The following FMN2 variants were observed in gnomAD, a reference collection of about 807,000 sequenced individuals.
FMN2 encodes formin 2, also known as formin-2.
FMN2 carries 51 observed loss-of-function variants against 142.3 expected under a neutral mutation model. The ratio of observed to expected loss-of-function variants is 0.36; its 90% confidence interval spans 0.29 to 0.45. The LOEUF (loss-of-function observed/expected upper bound fraction) is 0.45, where lower values mean the gene tolerates loss of function less well. Ranked by LOEUF, FMN2 falls within the 20% of genes least tolerant of loss-of-function variation. The pLI, the probability that FMN2 is intolerant of heterozygous loss-of-function variation, is 1.00. For missense variants in FMN2, 1,936 were observed against 2,122.8 expected, an observed-to-expected ratio of 0.91 and a Z score of 1.73; for synonymous variants, 882 against 869.8, an observed-to-expected ratio of 1.01 and a Z score of -0.25.
At chr1:240,469,291 C>A (rs1324857822) in intron 16 of FMN2, among the ~76,000 whole-genome samples, 1 of 152,108 alleles carries the variant, frequency 6.6e-6, no homozygotes, top group African/African-American at 2.4e-5. Context: ...GCCTAGAGAG[C>A]TGCATTTTAA....
At chr1:240,094,777 CTTATG>C (rs1661141921) in intron 1 of FMN2, among the ~76,000 whole-genome samples, 1 of 152,116 alleles carries the variant, frequency 6.6e-6, no homozygotes, top group African/African-American at 2.4e-5. Context: ...ATTTTAAAAT[CTTATG>C]TTCTATTATT....
chr1:240,321,670 G>T (rs1430156348), intron 8 of FMN2, among the ~76,000 whole-genome samples: 1 of 152,148 alleles, frequency 6.6e-6, no homozygotes, highest in South Asian at 2.1e-4. Context: ...CTACCTATCT[G>T]TATGAAGCTA....
chr1:240,185,495 G>A (rs999657805), intron 3 of FMN2, among the ~76,000 whole-genome samples: 2 of 152,334 alleles, frequency 1.3e-5, no homozygotes, highest in African/African-American at 2.4e-5. Flanking sequence ...AGTTCAGGTA[G>A]CCATTGAATT....
At chr1:240,140,453 T>A (rs1663132353) in intron 2 of FMN2, among the ~76,000 whole-genome samples, 1 of 152,202 alleles carries the variant, frequency 6.6e-6, no homozygotes, top group South Asian at 2.1e-4. Context: ...TTTGCATTTC[T>A]GGCTATCTCT....
chr1:240,245,360 G>T, intron 6 of FMN2: 1 of 391,438 alleles, frequency 2.6e-6, no homozygotes, highest in Non-Finnish European at 5.1e-6. Flanking sequence ...TACTCTCTGG[G>T]AGGAAGTGAT....
intron 15 of FMN2, among the ~76,000 whole-genome samples, chr1:240,397,216 G>A (rs1393079935): frequency 1.3e-5 from 2 of 152,170 alleles, no homozygotes; most frequent in Non-Finnish European, 2.9e-5. Flanking sequence ...GCGATGTTGA[G>A]CATTTTTCCA....
intron 7 of FMN2, among the ~76,000 whole-genome samples, chr1:240,277,207 A>G (rs540291472): frequency 6.6e-6 from 1 of 152,338 alleles, no homozygotes; most frequent in African/African-American, 2.4e-5. Flanking sequence ...GGATAATAAC[A>G]TTGAATATTT....
Position 240,170,153 on chromosome 1 carries a change from G to A in FMN2, c.1783-7768G>A, listed in dbSNP as rs558416420. The A allele has an allele frequency of 1.0e-4, 85 of 822,588 alleles. 1 individual carries two copies. Among genetic ancestry groups the A allele is most frequent in the Admixed American group, 1.8e-4 (8 of 45,104 alleles). The allele number at this position is 822,588 out of a possible 1,614,324, so 51.0% of individuals were successfully genotyped here. ...TAATATACAGTCCATCCCTGGCGCC[G>A]ACCAGAACCCGTGGACATGGTGAAC... On this transcript the variant is annotated intron_variant, in intron 2 of 17. Transcript: ENST00000319653.
intron 2 of FMN2, among the ~76,000 whole-genome samples, chr1:240,128,535 C>CA (rs1662602929): frequency 1.3e-5 from 2 of 152,080 alleles, no homozygotes; most frequent in Admixed American, 1.3e-4. Flanking sequence ...TTTTTGGTTG[C>CA]TGGACTTGTT....
At chr1:240,376,435 T>A (rs1025606359) in intron 14 of FMN2, among the ~76,000 whole-genome samples, 1 of 152,010 alleles carries the variant, frequency 6.6e-6, no homozygotes, top group Non-Finnish European at 1.5e-5. Flanking sequence ...TTAATTAGTA[T>A]TTTTTAATAT....
intron 2 of FMN2, among the ~76,000 whole-genome samples, chr1:240,126,007 A>T (rs1662484094): frequency 6.6e-6 from 1 of 152,192 alleles, no homozygotes; most frequent in Admixed American, 6.5e-5. Context: ...CAAAGTGAAC[A>T]TAAAACAAAG....
intron 8 of FMN2, among the ~76,000 whole-genome samples, chr1:240,301,583 T>A (rs1670198697): frequency 6.6e-6 from 1 of 151,850 alleles, no homozygotes; most frequent in Admixed American, 6.6e-5. Flanking sequence ...TCTTTCATCT[T>A]AGAATTTTTT....
At chr1:240,184,478 A>C (rs746514397) in intron 3 of FMN2, among the ~76,000 whole-genome samples, 2 of 148,256 alleles carry the variant, frequency 1.3e-5, no homozygotes, top group Non-Finnish European at 3.0e-5. Flanking sequence ...GGCCTCCCGA[A>C]GTGCTGGGAT....
intron 15 of FMN2, among the ~76,000 whole-genome samples, chr1:240,429,948 C>T (rs929818723): frequency 6.7e-6 from 1 of 149,688 alleles, no homozygotes; most frequent in African/African-American, 2.5e-5. Context: ...TGCAGTGGTG[C>T]GATCTCAGCT....
At chr1:240,418,077 T>C (rs1420890610) in intron 15 of FMN2, among the ~76,000 whole-genome samples, 1 of 152,186 alleles carries the variant, frequency 6.6e-6, no homozygotes, top group African/African-American at 2.4e-5. Context: ...TTTACTTTTC[T>C]GGGCTATAGT....
intron 6 of FMN2, among the ~76,000 whole-genome samples, chr1:240,245,069 G>A (rs908441535): frequency 3.3e-5 from 5 of 152,250 alleles, no homozygotes; most frequent in African/African-American, 1.2e-4. Context: ...AGAGTATATA[G>A]TCTCAAAAGA....
intron 3 of FMN2, among the ~76,000 whole-genome samples, chr1:240,187,192 C>T (rs936545405): frequency 6.8e-6 from 1 of 146,124 alleles, no homozygotes; most frequent in African/African-American, 2.5e-5. Flanking sequence ...ATCGCTTGAA[C>T]CCAGGAGGCG....
intron 7 of FMN2, chr1:240,285,410 T>C (rs932231995): frequency 7.3e-6 from 3 of 408,934 alleles, no homozygotes; most frequent in Non-Finnish European, 1.5e-5. Context: ...GGCTGTTGGT[T>C]CTATAAGTGA....
chr1:240,249,294 C>T (rs1290778907), intron 6 of FMN2, among the ~76,000 whole-genome samples: 2 of 151,962 alleles, frequency 1.3e-5, no homozygotes, highest in African/African-American at 4.8e-5. Context: ...AGATAAGGGT[C>T]AAGTTTCATT....
Sources: allele counts gnomAD v4.1 joint callset (sites outside exome capture counted in the v4.1 genomes callset), GRCh38; gene constraint gnomAD v4.1.1; transcripts MANE v1.5; gene names NCBI Gene and HGNC (gene_info 2026-07-23, HGNC 2026-07-21).